The following INPP4B variants were observed in gnomAD, a reference collection of about 807,000 sequenced individuals.
INPP4B encodes inositol polyphosphate-4-phosphatase type II B.
Under a neutral mutation model 122.5 loss-of-function variants are expected in INPP4B, and 55 were observed. The observed-to-expected ratio is 0.45, with a 90% confidence interval of 0.36 to 0.56. The LOEUF is 0.56. Ranked by LOEUF, INPP4B falls within the 20% of genes least tolerant of loss-of-function variation. The probability of loss-of-function intolerance (pLI) is 0.00; values close to 1 mark genes in which losing one functional copy is unlikely to be tolerated. For synonymous variants in INPP4B, 403 were observed against 388.7 expected, an observed-to-expected ratio of 1.04 and a Z score of -0.43; for missense variants, 1,000 against 1,097.7, an observed-to-expected ratio of 0.91 and a Z score of 1.26.
At chr4:142,065,821 A>G (rs950174076) in intron 25 of INPP4B, among the ~76,000 whole-genome samples, 1 of 152,206 alleles carries the variant, frequency 6.6e-6, no homozygotes, top group African/African-American at 2.4e-5. Flanking sequence ...TATGTTCACT[A>G]GTTTATTATA....
At chr4:142,724,227 T>C (rs545051853) in intron 2 of INPP4B, among the ~76,000 whole-genome samples, 2 of 152,248 alleles carry the variant, frequency 1.3e-5, no homozygotes, top group East Asian at 3.9e-4. Flanking sequence ...ATAGCTTACA[T>C]AAATAAAATA....
chr4:142,692,299 A>G (rs906315197), intron 2 of INPP4B, among the ~76,000 whole-genome samples: 2 of 152,050 alleles, frequency 1.3e-5, no homozygotes, highest in Non-Finnish European at 2.9e-5. Context: ...ATTGAGGATA[A>G]AAAAATAGAG....
intron 2 of INPP4B, among the ~76,000 whole-genome samples, chr4:142,484,058 A>G (rs1180025644): frequency 6.6e-6 from 1 of 152,114 alleles, no homozygotes; most frequent in Non-Finnish European, 1.5e-5. Context: ...AATATTTACA[A>G]TTAAAGAAGA....
intron 7 of INPP4B, among the ~76,000 whole-genome samples, chr4:142,379,921 G>T (rs1793457325): frequency 6.6e-6 from 1 of 152,210 alleles, no homozygotes; most frequent in African/African-American, 2.4e-5. Flanking sequence ...ACCAGGTAGA[G>T]CTGGCCAGCC....
chr4:142,313,210 G>A (rs1226442754), intron 8 of INPP4B, among the ~76,000 whole-genome samples: 2 of 152,196 alleles, frequency 1.3e-5, no homozygotes, highest in Admixed American at 6.5e-5. Context: ...AAATCTACAC[G>A]ACTGGGCCAA....
rs1803052503 is a variant in INPP4B at position 142,405,281 on chromosome 4, A to G, written c.180T>C (p.Asn60=). The part of the protein sequence containing the change: ...LVAPVRDRKL[N]TLVQISVIHP... ...GGATTACGGAGATCTGCACCAGTGT[A>G]TTCAGTTTACGATCACGGACAGGAG... The change falls in exon 6 of 26, where the codon AAT becomes AAC. Residue 60 remains asparagine, a synonymous_variant. Transcript: ENST00000262992. The G allele has an allele frequency of 6.2e-7, 1 of 1,613,576 alleles. No homozygotes were observed. Among genetic ancestry groups the G allele is most frequent in the African/African-American group, 1.3e-5 (1 of 74,880 alleles).
chr4:142,707,167 T>A (rs1762569970), intron 2 of INPP4B, among the ~76,000 whole-genome samples: 2 of 152,332 alleles, frequency 1.3e-5, no homozygotes, highest in South Asian at 2.1e-4. Flanking sequence ...TACACTCTCT[T>A]ACTCTCAGCA....
intron 3 of INPP4B, among the ~76,000 whole-genome samples, chr4:142,455,691 C>A (rs1815261548): frequency 6.6e-6 from 1 of 151,990 alleles, no homozygotes; most frequent in Non-Finnish European, 1.5e-5. Context: ...ATTGCTGGAT[C>A]ATATGGTAGC....
intron 21 of INPP4B, among the ~76,000 whole-genome samples, chr4:142,115,381 G>T (rs1378970328): frequency 6.6e-6 from 1 of 152,120 alleles, no homozygotes; most frequent in Non-Finnish European, 1.5e-5. Context: ...AAGTTGAAAT[G>T]AAGGAAAACA....
chr4:142,363,763 C>T (rs1284043839), intron 7 of INPP4B, among the ~76,000 whole-genome samples: 3 of 152,016 alleles, frequency 2.0e-5, no homozygotes, highest in Non-Finnish European at 2.9e-5. Flanking sequence ...TAGATTTATA[C>T]ATCACATTTC....
In INPP4B at chr4:142,693,483, TAAAAAAAAAAAAAAAAAAAAAAAAAAAAA is replaced by T. The variant is rs554003993; in HGVS notation, c.-191+32327_-191+32355del. ...CTGGCTATCTTAAAATGCCTTTTTCTAAAAAAAAAAAAAAAAAAAAAAAAAAAAAAAAAAAAAAAAAAAAAAAAAAAGCC... is the reference window on the plus strand; with the variant it reads ...CTGGCTATCTTAAAATGCCTTTTTCTAAAAAAAAAAAAAAAAAAAAAAGCC... On this transcript the variant is annotated intron_variant, in intron 2 of 25. Transcript: ENST00000262992. Among the ~76,000 whole-genome samples, 41 of 52,438 alleles carry T rather than the reference TAAAAAAAAAAAAAAAAAAAAAAAAAAAAA, an allele frequency of 7.8e-4. 1 individual carries two copies. Among genetic ancestry groups the T allele is most frequent in the African/African-American group, 2.6e-3 (33 of 12,896 alleles). The allele number at this position is 52,438 out of a possible 152,430, so 34.4% of individuals were successfully genotyped here. A position where few individuals can be genotyped will look rare whatever the true frequency, so the allele number is the denominator to read the frequency against.
chr4:142,793,848 T>A (rs1468100578), intron 1 of INPP4B, among the ~76,000 whole-genome samples: 1 of 152,028 alleles, frequency 6.6e-6, no homozygotes, highest in Non-Finnish European at 1.5e-5. Flanking sequence ...AGATTACACT[T>A]AACAAAATAT....
At chr4:142,246,059 AT>A (rs1338067167) in intron 11 of INPP4B, among the ~76,000 whole-genome samples, 4 of 133,148 alleles carry the variant, frequency 3.0e-5, no homozygotes, top group South Asian at 2.2e-4. Flanking sequence ...CATTATATAT[AT>A]GTGTGTGTGT....
intron 21 of INPP4B, among the ~76,000 whole-genome samples, chr4:142,117,497 G>C (rs1215122774): frequency 1.3e-5 from 2 of 152,102 alleles, no homozygotes; most frequent in African/African-American, 2.4e-5. Context: ...GGGATGTAAG[G>C]CTGCTTCAAC....
chr4:142,336,763 G>C (rs1261151821), intron 7 of INPP4B, among the ~76,000 whole-genome samples: 1 of 152,244 alleles, frequency 6.6e-6, no homozygotes. Context: ...TGAGCACAGA[G>C]CTGAACAAGG....
chr4:142,260,035 A>C (rs1739011572), intron 11 of INPP4B, among the ~76,000 whole-genome samples: 1 of 152,168 alleles, frequency 6.6e-6, no homozygotes, highest in Non-Finnish European at 1.5e-5. Context: ...TCCAAGCTGG[A>C]GTGCAGTGGC....
chr4:142,160,306 C>T, intron 17 of INPP4B, 52 bp downstream of exon 17: 1 of 1,202,872 alleles, frequency 8.3e-7, no homozygotes. Context: ...TCATTCCTAC[C>T]TTATTTCTCA....
chr4:142,445,682 C>A (rs1467122130), intron 3 of INPP4B, among the ~76,000 whole-genome samples: 1 of 152,136 alleles, frequency 6.6e-6, no homozygotes, highest in Non-Finnish European at 1.5e-5. Context: ...ACACTACCAA[C>A]AACTTGACCT....
intron 2 of INPP4B, among the ~76,000 whole-genome samples, chr4:142,561,443 G>A (rs530465179): frequency 1.3e-5 from 2 of 152,172 alleles, no homozygotes; most frequent in East Asian, 3.9e-4. Context: ...TTTTGAGACG[G>A]AGTCTTGCTC....
Sources: gnomAD v4.1 joint callset for allele counts (sites outside exome capture counted in the v4.1 genomes callset) on GRCh38, gnomAD v4.1.1 for gene constraint, MANE v1.5 for transcripts, NCBI Gene and HGNC (gene_info 2026-07-23, HGNC 2026-07-21) for gene names.